The following MYT1L variants were observed in gnomAD, a reference collection of about 807,000 sequenced individuals.
The protein encoded by MYT1L is myelin transcription factor 1 like.
MYT1L carries 12 observed loss-of-function variants against 126.7 expected under a neutral mutation model. The observed-to-expected ratio is 0.09, with a 90% CI of 0.06 to 0.15. The LOEUF (loss-of-function observed/expected upper bound fraction) is 0.15, where lower values mean the gene tolerates loss of function less well. MYT1L is among the 10% of genes least tolerant of loss of function. The pLI is 1.00. For synonymous variants in MYT1L, 541 were observed against 604.2 expected, an observed-to-expected ratio of 0.90 and a Z score of 1.53; for missense variants, 979 against 1,585.2, an observed-to-expected ratio of 0.62 and a Z score of 6.49.
At chr2:2,114,395 T>G (rs2147791890) in intron 3 of MYT1L, among the ~76,000 whole-genome samples, 1 of 152,338 alleles carries the variant, frequency 6.6e-6, no homozygotes, top group South Asian at 2.1e-4. Flanking sequence ...TGAAAGACCT[T>G]GAACATTTTT....
At chr2:2,186,374 C>T (rs1181459227) in intron 2 of MYT1L, among the ~76,000 whole-genome samples, 1 of 152,252 alleles carries the variant, frequency 6.6e-6, no homozygotes, top group African/African-American at 2.4e-5. Flanking sequence ...GCGGTCCTTA[C>T]TGGTTAACTG....
intron 4 of MYT1L, among the ~76,000 whole-genome samples, chr2:2,019,509 C>T (rs2064811151): frequency 1.3e-5 from 2 of 152,204 alleles, no homozygotes; most frequent in Non-Finnish European, 2.9e-5. Flanking sequence ...GTATCCAAGC[C>T]CAGAGGCCCT....
intron 2 of MYT1L, among the ~76,000 whole-genome samples, chr2:2,274,945 C>T (rs947667506): frequency 6.6e-5 from 10 of 152,072 alleles, no homozygotes; most frequent in African/African-American, 2.2e-4. Flanking sequence ...ACGTATTGAT[C>T]CCTATGTAGT....
Position 2,118,808 on chromosome 2 carries a change from C to G in MYT1L, c.-304+54064G>C, listed in dbSNP as rs1453632875. Among the ~76,000 whole-genome samples, 3 of 152,098 alleles carry G rather than the reference C, an allele frequency of 2.0e-5. No homozygotes were observed. The East Asian group carries it at 5.8e-4, about 29-fold the overall frequency. On this transcript the variant is annotated intron_variant, in intron 3 of 24. Transcript: ENST00000647738. ...CTTCCTCCCTCCCAGACTAAACTACCACAAGAAAACATCAAGTACATTCTA... is the reference window on the plus strand; with the variant it reads ...CTTCCTCCCTCCCAGACTAAACTACGACAAGAAAACATCAAGTACATTCTA...
At chr2:2,264,757 C>T (rs188333631) in intron 2 of MYT1L, among the ~76,000 whole-genome samples, 35 of 152,192 alleles carry the variant, frequency 2.3e-4, no homozygotes, top group African/African-American at 6.7e-4. Context: ...CAAGCGGCCA[C>T]GAATCGTAAA....
intron 1 of MYT1L, among the ~76,000 whole-genome samples, chr2:2,301,604 G>A (rs1283413586): frequency 3.3e-5 from 5 of 152,050 alleles, no homozygotes. Flanking sequence ...TGAGGCAGTA[G>A]GATCACTTGA....
At chr2:2,213,152 G>T (rs948885149) in intron 2 of MYT1L, among the ~76,000 whole-genome samples, 2 of 152,044 alleles carry the variant, frequency 1.3e-5, no homozygotes, top group Non-Finnish European at 2.9e-5. Flanking sequence ...AAATGCAAAC[G>T]GACAAATACA....
intron 2 of MYT1L, among the ~76,000 whole-genome samples, chr2:2,243,113 C>T (rs2094469635): frequency 1.3e-5 from 2 of 152,074 alleles, no homozygotes; most frequent in African/African-American, 4.8e-5. Context: ...GAGAGAAGTA[C>T]CAAGGGAGAG....
chr2:2,138,048 G>A (rs550439552), intron 3 of MYT1L, among the ~76,000 whole-genome samples: 4 of 152,048 alleles, frequency 2.6e-5, no homozygotes, highest in Non-Finnish European at 5.9e-5. Flanking sequence ...CAGACACTTC[G>A]CAAAATAAGA....
At chr2:2,308,649 C>T (rs1047130348) in intron 1 of MYT1L, among the ~76,000 whole-genome samples, 2 of 151,908 alleles carry the variant, frequency 1.3e-5, no homozygotes, top group Non-Finnish European at 2.9e-5. Context: ...TATACTTCAC[C>T]TACACTTCAG....
intron 3 of MYT1L, among the ~76,000 whole-genome samples, chr2:2,072,333 A>G (rs954840044): frequency 3.3e-5 from 5 of 152,222 alleles, no homozygotes; most frequent in African/African-American, 4.8e-5. Flanking sequence ...GAGCACTTCA[A>G]TGAATTTCAT....
At chr2:2,052,173 G>T (rs1326150741) in intron 4 of MYT1L, among the ~76,000 whole-genome samples, 1 of 152,110 alleles carries the variant, frequency 6.6e-6, no homozygotes, top group Admixed American at 6.5e-5. Context: ...TTTGACAAGG[G>T]TGCCATAACC....
At chr2:2,201,024 A>G (rs1400556010) in intron 2 of MYT1L, among the ~76,000 whole-genome samples, 3 of 152,224 alleles carry the variant, frequency 2.0e-5, no homozygotes, top group Admixed American at 2.0e-4. Context: ...TGTATGATGC[A>G]CAAGTGCCCT....
chr2:2,325,576 T>C (rs1368808798), intron 1 of MYT1L: 1 of 152,262 alleles, frequency 6.6e-6, no homozygotes, highest in Non-Finnish European at 1.5e-5. Flanking sequence ...AAATGGCTTC[T>C]TGAGTCAAGC....
intron 2 of MYT1L, among the ~76,000 whole-genome samples, chr2:2,223,991 T>C (rs1037486684): frequency 3.2e-4 from 48 of 152,208 alleles, no homozygotes; most frequent in Middle Eastern, 3.4e-3. Flanking sequence ...TGTGTTGCTT[T>C]GACTGAGTTG....
At chr2:2,000,338 TA>T (rs527863193) in intron 4 of MYT1L, among the ~76,000 whole-genome samples, 127 of 152,202 alleles carry the variant, frequency 8.3e-4, no homozygotes, top group Admixed American at 2.1e-3. Context: ...CTAGTTCATT[TA>T]AAAAAAATAT....
At chr2:1,828,795 A>C (rs544279855) in intron 21 of MYT1L, 1 of 152,360 alleles carries the variant, frequency 6.6e-6, no homozygotes, top group African/African-American at 2.4e-5. Flanking sequence ...GGAACCAAAA[A>C]ATAAATAGAA....
At chr2:2,018,837 T>C (rs892529561) in intron 4 of MYT1L, among the ~76,000 whole-genome samples, 1 of 152,068 alleles carries the variant, frequency 6.6e-6, no homozygotes, top group African/African-American at 2.4e-5. Context: ...CCACCTACAT[T>C]TCGTTTTTGA....
chr2:1,891,934 G>GC, intron 15 of MYT1L, 103 bp downstream of exon 15: 1 of 1,432,942 alleles, frequency 7.0e-7, no homozygotes, highest in Non-Finnish European at 9.1e-7. Flanking sequence ...CACGGCGTTT[G>GC]CCCCATACAG....
Sources: allele counts gnomAD v4.1 joint callset (sites outside exome capture counted in the v4.1 genomes callset), GRCh38; gene constraint gnomAD v4.1.1; transcripts MANE v1.5; gene names NCBI Gene and HGNC (gene_info 2026-07-23, HGNC 2026-07-21).